The following LHFPL3 variants were observed in gnomAD, a reference collection of about 807,000 sequenced individuals.
The protein encoded by LHFPL3 is LHFPL tetraspan subfamily member 3, also known as LHFPL tetraspan subfamily member 3 protein.
Under a neutral mutation model 19.3 loss-of-function variants are expected in LHFPL3, and 5 were observed. The observed-to-expected ratio is 0.26, with a 90% CI of 0.14 to 0.54. The LOEUF (loss-of-function observed/expected upper bound fraction) is 0.54, where lower values mean the gene tolerates loss of function less well. LHFPL3 is among the 20% of genes least tolerant of loss of function. The pLI, the probability that LHFPL3 is intolerant of heterozygous loss-of-function variation, is 0.94. For synonymous variants in LHFPL3, 133 were observed against 126.2 expected (o/e 1.05, Z -0.36); for missense variants, 249 against 307.4 (o/e 0.81, Z 1.42).
intron 1 of LHFPL3, among the ~76,000 whole-genome samples, chr7:104,435,951 C>G (rs1792095483): frequency 6.6e-6 from 1 of 151,782 alleles, no homozygotes; most frequent in South Asian, 2.1e-4. Context: ...TGATCTGAGT[C>G]TATGTTTTGG....
At chr7:104,782,382 A>G (rs1789823663) in intron 2 of LHFPL3, among the ~76,000 whole-genome samples, 1 of 152,232 alleles carries the variant, frequency 6.6e-6, no homozygotes, top group African/African-American at 2.4e-5. Context: ...CCATTGATCA[A>G]CTATTCATAA....
At chr7:104,557,015 A>G (rs1337407932) in intron 1 of LHFPL3, among the ~76,000 whole-genome samples, 1 of 152,170 alleles carries the variant, frequency 6.6e-6, no homozygotes, top group African/African-American at 2.4e-5. Flanking sequence ...ATCTGAGACC[A>G]CTTCAGCCTG....
chr7:104,575,462 A>G (rs532321801), intron 1 of LHFPL3, among the ~76,000 whole-genome samples: 75 of 151,664 alleles, frequency 4.9e-4, no homozygotes, highest in African/African-American at 1.7e-3. Context: ...AAATTCACTA[A>G]AAGTGTTATG....
intron 1 of LHFPL3, among the ~76,000 whole-genome samples, chr7:104,584,806 A>G (rs1790533837): frequency 6.6e-6 from 1 of 152,160 alleles, no homozygotes. Flanking sequence ...AAGAGAAAGA[A>G]CTCATGAGTC....
intron 2 of LHFPL3, among the ~76,000 whole-genome samples, chr7:104,773,179 C>T (rs530995849): frequency 3.0e-4 from 46 of 152,342 alleles, no homozygotes; most frequent in Non-Finnish European, 6.2e-4. Flanking sequence ...TCTTCTTACC[C>T]ACCCAGAACC....
chr7:104,736,739 G>T lies in LHFPL3; in HGVS notation c.510G>T (p.Arg170=). 1 of 1,613,720 alleles carries T rather than the reference G, an allele frequency of 6.2e-7. No homozygotes were observed. The highest frequency in any genetic ancestry group is 8.5e-7 in the Non-Finnish European group (1 of 1,179,816). ...GCTGGGACTCAGATGAAGTAAAACG[G>T]ATGTGTGGAGAAAAGACAGACAAGT... ...PDGWDSDEVK[R]MCGEKTDKYT... is the part of the protein sequence containing the mutation. Residue 170 remains arginine (R), a synonymous_variant, in exon 2 of 3, where the codon CGG becomes CGT. Transcript: ENST00000424859.
chr7:104,380,108 T>TA (rs916211765), intron 1 of LHFPL3, among the ~76,000 whole-genome samples: 3 of 152,234 alleles, frequency 2.0e-5, no homozygotes, highest in African/African-American at 7.2e-5. Flanking sequence ...CTCCATTACT[T>TA]ACTGCTATGT....
chr7:104,541,701 A>G (rs537668125), intron 1 of LHFPL3, among the ~76,000 whole-genome samples: 1 of 152,344 alleles, frequency 6.6e-6, no homozygotes, highest in Admixed American at 6.5e-5. Context: ...AAATGATAAT[A>G]TAGTAACATG....
chr7:104,488,130 T>C (rs917530337), intron 1 of LHFPL3, among the ~76,000 whole-genome samples: 2 of 152,190 alleles, frequency 1.3e-5, no homozygotes, highest in Admixed American at 6.5e-5. Flanking sequence ...TTTGTCATTT[T>C]CTAAGACCTC....
At chr7:104,904,622 G>A (rs369887996) in intron 2 of LHFPL3, among the ~76,000 whole-genome samples, 1 of 152,106 alleles carries the variant, frequency 6.6e-6, no homozygotes, top group African/African-American at 2.4e-5. Flanking sequence ...CTGCACTCTG[G>A]CCTGGGTGAC....
At chr7:104,804,913 C>T (rs965726939) in intron 2 of LHFPL3, among the ~76,000 whole-genome samples, 1 of 152,186 alleles carries the variant, frequency 6.6e-6, no homozygotes, top group Non-Finnish European at 1.5e-5. Context: ...TTCTAAGCCA[C>T]GAGGTTTGTG....
chr7:104,519,678 C>A (rs1391214733), intron 1 of LHFPL3, among the ~76,000 whole-genome samples: 2 of 152,070 alleles, frequency 1.3e-5, no homozygotes, highest in Non-Finnish European at 1.5e-5. Flanking sequence ...AAAAAATCTG[C>A]TGAACAGGAC....
At chr7:104,714,610 G>C (rs1316064375) in intron 1 of LHFPL3, among the ~76,000 whole-genome samples, 1 of 152,052 alleles carries the variant, frequency 6.6e-6, no homozygotes, top group Non-Finnish European at 1.5e-5. Context: ...AGGGTGAGGG[G>C]ATTGGAGGGA....
At chr7:104,693,765 G>A (rs554493934) in intron 1 of LHFPL3, among the ~76,000 whole-genome samples, 5 of 147,728 alleles carry the variant, frequency 3.4e-5, no homozygotes, top group African/African-American at 1.2e-4. Context: ...GACTACAGGC[G>A]CCCGCCACCA....
chr7:104,433,434 C>T (rs1792038376), intron 1 of LHFPL3, among the ~76,000 whole-genome samples: 1 of 152,194 alleles, frequency 6.6e-6, no homozygotes, highest in African/African-American at 2.4e-5. Context: ...ATCTGATCCC[C>T]TTACTTCCCA....
At chr7:104,670,016 C>T (rs1341109576) in intron 1 of LHFPL3, among the ~76,000 whole-genome samples, 4 of 152,154 alleles carry the variant, frequency 2.6e-5, no homozygotes, top group Admixed American at 6.5e-5. Flanking sequence ...CAAACATTAT[C>T]TGAATAAATT....
chr7:104,552,564 A>G (rs1193049160), intron 1 of LHFPL3, among the ~76,000 whole-genome samples: 1 of 152,132 alleles, frequency 6.6e-6, no homozygotes, highest in Admixed American at 6.5e-5. Flanking sequence ...CCTCAGAATA[A>G]TCATCTTTGG....
At chr7:104,432,994 T>C (rs1348722141) in intron 1 of LHFPL3, among the ~76,000 whole-genome samples, 2 of 152,176 alleles carry the variant, frequency 1.3e-5, no homozygotes, top group Admixed American at 1.3e-4. Flanking sequence ...AATTCTGAAA[T>C]TTTTTGGTCT....
chr7:104,575,559 T>TAAAAAAAAAAAAAAAAAAAAAAAA (rs58118006), intron 1 of LHFPL3, among the ~76,000 whole-genome samples: 3 of 36,148 alleles, frequency 8.3e-5, no homozygotes, highest in African/African-American at 2.4e-4. Context: ...CAAAGAGATC[T>TAAAAAAAAAAAAAAAAAAAAAAAA]AAAAAAAAAA....
Sources: allele counts gnomAD v4.1 joint callset (sites outside exome capture counted in the v4.1 genomes callset), GRCh38; gene constraint gnomAD v4.1.1; transcripts MANE v1.5; gene names NCBI Gene and HGNC (gene_info 2026-07-23, HGNC 2026-07-21).